Variants in MRTFA observed in about 807,000 individuals in gnomAD.
The protein encoded by MRTFA is myocardin-related transcription factor A.
A neutral mutation model predicts 83.5 loss-of-function variants in MRTFA; 20 were observed. That is an observed-to-expected ratio of 0.24 (90% confidence interval 0.17 to 0.35). MRTFA has a LOEUF of 0.35. MRTFA is among the 10% of genes least tolerant of loss of function. The pLI is 1.00. For missense variants in MRTFA, 1,200 were observed against 1,224.7 expected (o/e 0.98, Z 0.30); for synonymous variants, 659 against 541.2 (o/e 1.22, Z -3.02).
chr22:40,519,369 G>T, intron 3 of MRTFA: 1 of 1,247,346 alleles, frequency 8.0e-7, no homozygotes, highest in Non-Finnish European at 1.1e-6. Context: ...CTCAAACCTT[G>T]GAGGGTTTTG....
chr22:40,410,777 G>GCC lies in MRTFA; in HGVS notation c.*611_*612dup, dbSNP rs749105759. 5,673 of 228,754 alleles carry GCC rather than the reference G, an allele frequency of 0.025. 290 individuals carry two copies. The highest frequency in any genetic ancestry group is 0.12 in the African/African-American group (5,276 of 44,434). 14.2% of individuals were successfully genotyped at this position (228,754 alleles called of 1,614,324 possible). On this transcript the variant is annotated 3_prime_UTR_variant, in exon 15 of 15. Coordinates refer to ENST00000355630, the MANE Select transcript of MRTFA (RefSeq NM_020831.6). ...AGGGAGTTGCACCCATCTCCTGTCC[G>GCC]CCCCCCCCCAAAAATATATATGTAT...
At chr22:40,470,652 G>A (rs73167063) in intron 3 of MRTFA, among the ~76,000 whole-genome samples, 12,433 of 151,932 alleles carry the variant, frequency 0.082, 789 homozygotes, top group East Asian at 0.24. Flanking sequence ...CAATGATACA[G>A]AAAACAGAAA....
At chr22:40,601,897 G>A (rs192922761) in intron 1 of MRTFA, among the ~76,000 whole-genome samples, 3 of 152,196 alleles carry the variant, frequency 2.0e-5, no homozygotes, top group Admixed American at 2.0e-4. Context: ...AGTAAATGAG[G>A]AAGAATAACA....
intron 3 of MRTFA, among the ~76,000 whole-genome samples, chr22:40,544,731 A>G (rs536197712): frequency 2.1e-4 from 32 of 152,156 alleles, no homozygotes; most frequent in Non-Finnish European, 4.6e-4. Flanking sequence ...GAGGAAATAC[A>G]GGCCAGGGCC....
At chr22:40,446,538 G>A (rs760168873) in intron 4 of MRTFA, among the ~76,000 whole-genome samples, 2 of 152,228 alleles carry the variant, frequency 1.3e-5, no homozygotes, top group African/African-American at 2.4e-5. Flanking sequence ...CACAGAGGCA[G>A]GAGGGGAGGA....
At chr22:40,506,077 C>CA (rs564531399) in intron 3 of MRTFA, among the ~76,000 whole-genome samples, 241 of 151,954 alleles carry the variant, frequency 1.6e-3, no homozygotes, top group African/African-American at 5.4e-3. Context: ...ACTAAAAATA[C>CA]AAAAAAATCA....
intron 2 of MRTFA, among the ~76,000 whole-genome samples, chr22:40,573,186 C>G (rs2147348208): frequency 6.6e-6 from 1 of 152,208 alleles, no homozygotes; most frequent in Middle Eastern, 3.4e-3. Context: ...TGGAATTGGA[C>G]AGTGGTGGCA....
At chr22:40,495,339 C>T (rs2054333772) in intron 3 of MRTFA, among the ~76,000 whole-genome samples, 1 of 151,950 alleles carries the variant, frequency 6.6e-6, no homozygotes, top group African/African-American at 2.4e-5. Context: ...GTAGTCCCAG[C>T]TACTCGGGAG....
intron 3 of MRTFA, among the ~76,000 whole-genome samples, chr22:40,474,741 A>G (rs891906382): frequency 6.6e-6 from 1 of 152,240 alleles, no homozygotes; most frequent in African/African-American, 2.4e-5. Flanking sequence ...ACATAAAGTA[A>G]GTTCTAATTT....
chr22:40,567,365 T>C (rs905297258), intron 2 of MRTFA, among the ~76,000 whole-genome samples: 3 of 152,354 alleles, frequency 2.0e-5, no homozygotes, highest in Middle Eastern at 6.8e-3. Context: ...ATTCTATTTG[T>C]CTTCTAGAGT....
At chr22:40,498,698 G>C (rs1477760409) in intron 3 of MRTFA, among the ~76,000 whole-genome samples, 2 of 152,122 alleles carry the variant, frequency 1.3e-5, no homozygotes, top group African/African-American at 4.8e-5. Flanking sequence ...CAACCAACCA[G>C]ATGTCTTTTT....
In MRTFA at chr22:40,411,829, G is replaced by GGTC; in HGVS notation, c.2656_2657insGAC (p.Ser885_Pro886insArg). On this transcript the variant is annotated inframe_insertion, in exon 15 of 15. Transcript: ENST00000355630. ...AGAAGGTGATGGCTGTGCTGCCAGG[G>GGTC]GGGACCCACAGACTGTCTTCGGGGA... 1 of 1,513,856 alleles carries GGTC rather than the reference G, an allele frequency of 6.6e-7. No homozygotes were observed. The highest frequency in any genetic ancestry group is 1.3e-5 in the South Asian group (1 of 75,768). The allele number at this position is 1,513,856 out of a possible 1,614,324, so 93.8% of individuals were successfully genotyped here. A position where few individuals can be genotyped will look rare whatever the true frequency, so the allele number is the denominator to read the frequency against.
At chr22:40,518,412 G>A (rs2054796713) in intron 3 of MRTFA, among the ~76,000 whole-genome samples, 1 of 139,124 alleles carries the variant, frequency 7.2e-6, no homozygotes, top group South Asian at 2.3e-4. Context: ...TTGGAGAATT[G>A]GTTGTTGGTG....
chr22:40,489,925 T>TCG (rs1213954573), intron 3 of MRTFA, among the ~76,000 whole-genome samples: 1 of 129,884 alleles, frequency 7.7e-6, no homozygotes, highest in Non-Finnish European at 1.5e-5. Context: ...TGGGCAGAGA[T>TCG]CGCGCCACTG....
chr22:40,560,470 A>G (rs2055597214), intron 2 of MRTFA, among the ~76,000 whole-genome samples: 2 of 152,228 alleles, frequency 1.3e-5, no homozygotes, highest in African/African-American at 4.8e-5. Flanking sequence ...AGCCCACAGG[A>G]TAAAATCTCG....
chr22:40,612,986 A>G (rs1410772179), intron 1 of MRTFA, among the ~76,000 whole-genome samples: 1 of 152,124 alleles, frequency 6.6e-6, no homozygotes, highest in African/African-American at 2.4e-5. Flanking sequence ...CACTCTTCAT[A>G]TCCTTTGCAG....
rs1477166957 is a variant in MRTFA, at chr22:40,592,033, C to T, written c.-22+2641G>A. ...GAGCTGAACAATTTATTCTGACCCC[C>T]AATTACTGCATGACTGAAAGACATA... On this transcript the variant is annotated intron_variant, in intron 2 of 14. Transcript: ENST00000355630. Among the ~76,000 whole-genome samples, 5 of 152,074 alleles carry T rather than the reference C, an allele frequency of 3.3e-5. No individual in the cohort carries two copies. The South Asian group carries it at 6.2e-4, about 19-fold the overall frequency.
intron 4 of MRTFA, among the ~76,000 whole-genome samples, chr22:40,446,098 C>A (rs2053372235): frequency 6.6e-6 from 1 of 152,090 alleles, no homozygotes; most frequent in Non-Finnish European, 1.5e-5. Context: ...GGCTGTATAA[C>A]CAGTGATGGT....
chr22:40,509,506 G>T (rs1260770054), intron 3 of MRTFA, among the ~76,000 whole-genome samples: 3 of 152,176 alleles, frequency 2.0e-5, no homozygotes, highest in Admixed American at 1.3e-4. Context: ...TTCCCTAAGT[G>T]AGAGTTTCTA....
Sources: allele counts gnomAD v4.1 joint callset (sites outside exome capture counted in the v4.1 genomes callset), GRCh38; gene constraint gnomAD v4.1.1; transcripts MANE v1.5; gene names NCBI Gene and HGNC (gene_info 2026-07-23, HGNC 2026-07-21).